ATP8A2: variants seen among roughly 807,000 people sequenced by gnomAD.
ATP8A2 encodes the protein ATPase phospholipid transporting 8A2, also known as phospholipid-transporting ATPase IB.
ATP8A2 carries 100 observed loss-of-function variants against 165.6 expected under a neutral mutation model. That is an observed-to-expected ratio of 0.60 (90% CI 0.51 to 0.71). The LOEUF (loss-of-function observed/expected upper bound fraction) is 0.71. ATP8A2 is among the 30% of genes least tolerant of loss of function. The pLI is 0.00. For synonymous variants in ATP8A2, 543 were observed against 548.8 expected (o/e 0.99, Z 0.15); for missense variants, 1,227 against 1,479.5 (o/e 0.83, Z 2.80).
chr13:25,907,736 C>G (rs1233636249), intron 33 of ATP8A2, among the ~76,000 whole-genome samples: 4 of 152,298 alleles, frequency 2.6e-5, no homozygotes, highest in Admixed American at 2.6e-4. Context: ...TTTACACTCC[C>G]TCCACTCCAC....
In ATP8A2 at chr13:25,529,515, A is replaced by G. The variant is rs545281928; in HGVS notation, c.222-484A>G. Among the ~76,000 whole-genome samples, 4 of 152,322 alleles carry G rather than the reference A, an allele frequency of 2.6e-5. No homozygotes were observed. In the South Asian group the frequency reaches 8.3e-4, roughly 32 times the overall value. On this transcript the variant is annotated intron_variant, in intron 2 of 36. Transcript: ENST00000381655. Reference sequence around the variant, plus strand: ...GGGTGGAAGGAAGGATACTTTGGTCATGGAGAGACAGGTAGGGTGTAAGGG... The same window carrying G: ...GGGTGGAAGGAAGGATACTTTGGTCGTGGAGAGACAGGTAGGGTGTAAGGG...
At chr13:25,596,863 TC>T (rs1473819596) in intron 24 of ATP8A2, among the ~76,000 whole-genome samples, 13 of 152,224 alleles carry the variant, frequency 8.5e-5, no homozygotes, top group Non-Finnish European at 1.6e-4. Flanking sequence ...CATTTTACAC[TC>T]CTGCTAGTAT....
intron 2 of ATP8A2, among the ~76,000 whole-genome samples, chr13:25,516,740 C>T (rs1242461994): frequency 2.0e-5 from 3 of 150,664 alleles, no homozygotes; most frequent in Admixed American, 6.6e-5. Context: ...GTTTTTATAC[C>T]ATGAAGTTCA....
At chr13:25,522,267 G>T (rs2037695643) in intron 2 of ATP8A2, among the ~76,000 whole-genome samples, 1 of 152,032 alleles carries the variant, frequency 6.6e-6, no homozygotes, top group African/African-American at 2.4e-5. Context: ...TCTTTTTTCA[G>T]ATTGTTTGCT....
chr13:25,728,657 G>A (rs984111241), intron 25 of ATP8A2, among the ~76,000 whole-genome samples: 3 of 152,130 alleles, frequency 2.0e-5, no homozygotes, highest in Non-Finnish European at 2.9e-5. Context: ...TCTAAAAACC[G>A]TGCAAGTGAA....
At chr13:25,940,830 C>T (rs747923323) in intron 33 of ATP8A2, among the ~76,000 whole-genome samples, 1 of 152,210 alleles carries the variant, frequency 6.6e-6, no homozygotes, top group Non-Finnish European at 1.5e-5. Context: ...GGCTCTGCCA[C>T]GATCCTGGCC....
At chr13:26,002,451 A>G (rs1055369661) in intron 35 of ATP8A2, among the ~76,000 whole-genome samples, 2 of 152,042 alleles carry the variant, frequency 1.3e-5, no homozygotes, top group African/African-American at 4.8e-5. Context: ...GCATCAGGAA[A>G]AATACCTAAT....
intron 25 of ATP8A2, among the ~76,000 whole-genome samples, chr13:25,720,248 A>G (rs2043348998): frequency 6.9e-6 from 1 of 144,448 alleles, no homozygotes; most frequent in African/African-American, 2.7e-5. Context: ...GCTCACTGCA[A>G]GCTCCACCTC....
At chr13:25,907,216 C>T (rs1292376113) in intron 33 of ATP8A2, among the ~76,000 whole-genome samples, 1 of 152,096 alleles carries the variant, frequency 6.6e-6, no homozygotes, top group Non-Finnish European at 1.5e-5. Flanking sequence ...CGCCACTGCA[C>T]TCCAGCCTGG....
In ATP8A2 at chr13:25,788,396, G is replaced by A. The variant is rs996121998; in HGVS notation, c.2679+13437G>A. 2.6e-5 allele frequency among the ~76,000 whole-genome samples: 4 copies of A among 152,208 alleles called. No homozygotes were observed. In the East Asian group the frequency reaches 7.7e-4, roughly 29 times the overall value. On this transcript the variant is annotated intron_variant, in intron 27 of 36. Transcript: ENST00000381655. ...CCAACCACAGGGTTTTCCTATATGA[G>A]TTTACTTCATCCCCACAAACCTTCT...
At chr13:25,506,190 T>C (rs541092830) in intron 2 of ATP8A2, among the ~76,000 whole-genome samples, 1 of 152,350 alleles carries the variant, frequency 6.6e-6, no homozygotes, top group African/African-American at 2.4e-5. Flanking sequence ...CTCTCCCTGC[T>C]GAAAGTTGTT....
chr13:25,539,062 TG>T lies in ATP8A2; in HGVS notation c.581+1002del, dbSNP rs796870218. The stretch of plus-strand genomic sequence containing the variant: ...TTGGCTGTGACCTTAGAAAATTTAG[TG>T]TGTGTGTGTGTGTGTGTGTGTGTGT... On this transcript the variant is annotated intron_variant, in intron 7 of 36. Coordinates refer to ENST00000381655, the MANE Select transcript of ATP8A2 (RefSeq NM_016529.6). Among the ~76,000 whole-genome samples the T allele has an allele frequency of 1.6e-3, 145 of 90,952 alleles. 1 individual carries two copies. Among genetic ancestry groups the T allele is most frequent in the African/African-American group, 9.0e-3 (140 of 15,610 alleles). The allele number at this position is 90,952 out of a possible 152,430, so 59.7% of individuals were successfully genotyped here. A position where few individuals can be genotyped will look rare whatever the true frequency, so the allele number is the denominator to read the frequency against.
intron 1 of ATP8A2, among the ~76,000 whole-genome samples, chr13:25,399,021 G>C (rs1165789504): frequency 1.3e-5 from 2 of 152,190 alleles, no homozygotes; most frequent in African/African-American, 4.8e-5. Context: ...ATTTGTGGCA[G>C]TTTACAACAG....
At chr13:25,841,404 C>A (rs963319031) in intron 30 of ATP8A2, among the ~76,000 whole-genome samples, 1 of 152,134 alleles carries the variant, frequency 6.6e-6, no homozygotes, top group Non-Finnish European at 1.5e-5. Flanking sequence ...ATTTATTGAG[C>A]CTTCAGCATA....
intron 1 of ATP8A2, among the ~76,000 whole-genome samples, chr13:25,386,797 A>G (rs927946114): frequency 6.6e-6 from 1 of 152,086 alleles, no homozygotes; most frequent in Non-Finnish European, 1.5e-5. Context: ...GGAGATCGAG[A>G]CCAATCTGGC....
intron 27 of ATP8A2, among the ~76,000 whole-genome samples, chr13:25,820,386 C>T (rs1951147676): frequency 6.6e-6 from 1 of 152,178 alleles, no homozygotes; most frequent in Non-Finnish European, 1.5e-5. Flanking sequence ...TGAGGCCATC[C>T]TGCAGGGATC....
At chr13:25,546,546 A>G (rs1425090444) in intron 10 of ATP8A2, among the ~76,000 whole-genome samples, 1 of 150,432 alleles carries the variant, frequency 6.6e-6, no homozygotes, top group Non-Finnish European at 1.5e-5. Flanking sequence ...TCTCACCTCA[A>G]TGCCTTTTGC....
chr13:25,456,096 CT>C (rs2035357484), intron 1 of ATP8A2, among the ~76,000 whole-genome samples: 1 of 152,200 alleles, frequency 6.6e-6, no homozygotes, highest in African/African-American at 2.4e-5. Context: ...GTGCTCATGG[CT>C]TTGTCTCACT....
At chr13:25,776,506 G>A (rs1185869950) in intron 27 of ATP8A2, among the ~76,000 whole-genome samples, 2 of 152,216 alleles carry the variant, frequency 1.3e-5, no homozygotes, top group East Asian at 1.9e-4. Flanking sequence ...GTCTTGTGCT[G>A]TAATATTCAA....
Sources: gnomAD v4.1 joint callset for allele counts (sites outside exome capture counted in the v4.1 genomes callset) on GRCh38, gnomAD v4.1.1 for gene constraint, MANE v1.5 for transcripts, NCBI Gene and HGNC (gene_info 2026-07-23, HGNC 2026-07-21) for gene names.